The following PCSK6 variants were observed in gnomAD, a reference collection of about 807,000 sequenced individuals.
The protein encoded by PCSK6 is proprotein convertase subtilisin/kexin type 6, also known as paired basic amino acid cleaving enzyme 4.
In PCSK6, 85 loss-of-function variants were observed where a neutral mutation model predicts 123.3. The ratio of observed to expected loss-of-function variants is 0.69; its 90% CI spans 0.58 to 0.83. The LOEUF is 0.83. Among genes scored for constraint, PCSK6 ranks in the 40% least tolerant of loss-of-function variants. PCSK6 has a pLI of 0.00. For missense variants in PCSK6, 1,191 were observed against 1,282.3 expected (o/e 0.93, Z 1.09); for synonymous variants, 508 against 516.0 (o/e 0.98, Z 0.21).
chr15:101,349,371 T>C lies in PCSK6; in HGVS notation c.1858+16825A>G, dbSNP rs530753686. Among the ~76,000 whole-genome samples, 361 of 152,338 alleles carry C rather than the reference T, an allele frequency of 2.4e-3. 3 individuals are homozygous for C. The highest frequency in any genetic ancestry group is 8.3e-3 in the African/African-American group (346 of 41,570). ...GTTCAAAAGTCAGAAGAGTTTTCCCTTAGGGCCAGCCAACCCAATAGCAGC... is the reference window on the plus strand; with the variant it reads ...GTTCAAAAGTCAGAAGAGTTTTCCCCTAGGGCCAGCCAACCCAATAGCAGC... On this transcript the variant is annotated intron_variant, in intron 13 of 21. Coordinates refer to ENST00000611716, the MANE Select transcript of PCSK6 (RefSeq NM_002570.5).
intron 1 of PCSK6, among the ~76,000 whole-genome samples, chr15:101,460,802 T>TA (rs2057324182): frequency 6.6e-6 from 1 of 152,162 alleles, no homozygotes; most frequent in Non-Finnish European, 1.5e-5. Context: ...TAACTCATGG[T>TA]AAAAGAAAAC....
chr15:101,489,504 G>C lies in PCSK6; in HGVS notation c.167C>G (p.Ala56Gly). 1 of 1,050,842 alleles carries C rather than the reference G, an allele frequency of 9.5e-7. No homozygotes were observed. Among genetic ancestry groups the C allele is most frequent in the Non-Finnish European group, 1.1e-6 (1 of 874,208 alleles). 65.1% of individuals were successfully genotyped at this position (1,050,842 alleles called of 1,614,324 possible). A position where few individuals can be genotyped will look rare whatever the true frequency, so the allele number is the denominator to read the frequency against. ...GGGCGCGGAGCAGGCGGCAGGCAGC[G>C]CCAGCAGCAGCAGCCAGCGCCAGGG... ...PRPWRWLLLLALPAACSAPPP... is the reference protein window; with the variant it reads ...PRPWRWLLLLGLPAACSAPPP... Residue 56 changes from alanine (A) to glycine (G), a missense_variant, in exon 1 of 22, where the codon GCG (alanine) becomes GGG (glycine). Ala to Gly is a moderately conservative substitution (Grantham distance 60, BLOSUM62 0). Around this residue, in one of 3 missense-constraint regions of PCSK6, gnomAD observed 204 missense variants for 166.4 expected, o/e 1.23. Coordinates refer to ENST00000611716, the MANE Select transcript of PCSK6 (RefSeq NM_002570.5).
At chr15:101,382,059 TGA>T (rs2041923189) in intron 11 of PCSK6, 31 bp downstream of exon 11, 1 of 1,481,642 alleles carries the variant, frequency 6.7e-7, no homozygotes, top group Non-Finnish European at 9.3e-7. Flanking sequence ...CCCACGTGCC[TGA>T]GAAGTCACCG....
intron 4 of PCSK6, among the ~76,000 whole-genome samples, chr15:101,430,992 T>G (rs943147275): frequency 2.6e-5 from 4 of 152,240 alleles, no homozygotes; most frequent in Admixed American, 2.6e-4. Context: ...GCCCGTGTTT[T>G]CACACTGTCA....
chr15:101,383,740 C>T lies in PCSK6; in HGVS notation c.1414+582G>A, dbSNP rs936569465. 3.9e-5 allele frequency among the ~76,000 whole-genome samples: 6 copies of T among 152,110 alleles called. No individual in the cohort carries two copies. The East Asian group carries it at 1.2e-3, about 29-fold the overall frequency. On this transcript the variant is annotated intron_variant, in intron 10 of 21. Coordinates refer to ENST00000611716, the MANE Select transcript of PCSK6 (RefSeq NM_002570.5). ...ACTCAGGGCTAAGGATGCAAGCTGCCCTCAGGTGGCACACAAACAACATTT... is the reference window on the plus strand; with the variant it reads ...ACTCAGGGCTAAGGATGCAAGCTGCTCTCAGGTGGCACACAAACAACATTT...
intron 1 of PCSK6, 33 bp from the exon 2 acceptor site, chr15:101,443,693 A>G (rs1322562332): frequency 6.6e-7 from 1 of 1,504,678 alleles, no homozygotes; most frequent in South Asian, 1.1e-5. Context: ...CCATCAATTA[A>G]TAGTCTCACG....
intron 6 of PCSK6, among the ~76,000 whole-genome samples, chr15:101,421,260 A>G (rs547318246): frequency 6.6e-6 from 1 of 152,286 alleles, no homozygotes; most frequent in African/African-American, 2.4e-5. Context: ...CTTAAGATAT[A>G]ATTTGGACAG....
chr15:101,328,087 C>G (rs1029124823), intron 15 of PCSK6, among the ~76,000 whole-genome samples: 1 of 152,248 alleles, frequency 6.6e-6, no homozygotes, highest in Non-Finnish European at 1.5e-5. Flanking sequence ...ATCCTCATTT[C>G]TCGCACCATT....
At chr15:101,477,585 T>G (rs2141253507) in intron 1 of PCSK6, among the ~76,000 whole-genome samples, 1 of 152,324 alleles carries the variant, frequency 6.6e-6, no homozygotes, top group South Asian at 2.1e-4. Context: ...GTGGTGGGAC[T>G]ATGGGTGATT....
At position 101,326,600 on chromosome 15, in the gene PCSK6, G is replaced by A. The variant is rs1394884402; in HGVS notation, c.2078-121C>T. 8 of 934,968 alleles carry A rather than the reference G, an allele frequency of 8.6e-6. No homozygotes were observed. The East Asian group carries it at 1.1e-4, about 12-fold the overall frequency. The allele number at this position is 934,968 out of a possible 1,614,324, so 57.9% of individuals were successfully genotyped here. A position where few individuals can be genotyped will look rare whatever the true frequency, so the allele number is the denominator to read the frequency against. ...GGGTTGGGAGACGCTCCCAGGCCCC[G>A]CTGGGGCTGGACGGCCAGACGACAA... On this transcript the variant is annotated intron_variant, in intron 15 of 21. Coordinates refer to ENST00000611716, the MANE Select transcript of PCSK6 (RefSeq NM_002570.5).
intron 1 of PCSK6, among the ~76,000 whole-genome samples, chr15:101,484,307 G>T (rs2057966085): frequency 6.6e-6 from 1 of 152,124 alleles, no homozygotes; most frequent in African/African-American, 2.4e-5. Flanking sequence ...GATCCTTACA[G>T]CCCACACTTT....
At chr15:101,477,875 T>C (rs1021977242) in intron 1 of PCSK6, among the ~76,000 whole-genome samples, 7 of 152,246 alleles carry the variant, frequency 4.6e-5, no homozygotes, top group African/African-American at 1.7e-4. Flanking sequence ...TCTTAGACTC[T>C]ACATCAAGAA....
intron 11 of PCSK6, among the ~76,000 whole-genome samples, chr15:101,373,178 GGTGTGATCCTCCGCCAGCCCC>G (rs1345911442): frequency 5.9e-5 from 9 of 152,114 alleles, no homozygotes; most frequent in Admixed American, 5.9e-4. Context: ...GGCTGGGTTG[GGTGTGATCCTCCGCCAGCCCC>G]GCTGCTGCTG....
chr15:101,422,082 T>A (rs924786092), intron 6 of PCSK6, among the ~76,000 whole-genome samples: 3 of 152,256 alleles, frequency 2.0e-5, no homozygotes. Context: ...CAAGTTGACA[T>A]GACTTTTCCT....
intron 13 of PCSK6, among the ~76,000 whole-genome samples, chr15:101,334,918 A>T (rs11855415): frequency 0.8 from 121,008 of 152,016 alleles, 48,369 homozygotes; most frequent in African/African-American, 0.85. Context: ...AGACTTCATT[A>T]TTATTACACT....
chr15:101,435,021 C>T (rs947594639), intron 2 of PCSK6, among the ~76,000 whole-genome samples: 48 of 152,290 alleles, frequency 3.2e-4, no homozygotes, highest in African/African-American at 1.0e-3. Flanking sequence ...GTGTGTCTGG[C>T]GCTAGGTTCT....
intron 20 of PCSK6, among the ~76,000 whole-genome samples, chr15:101,312,601 T>C (rs1596167539): frequency 1.3e-5 from 2 of 152,138 alleles, no homozygotes; most frequent in Non-Finnish European, 2.9e-5. Flanking sequence ...GAGGCTGAGG[T>C]GGGTGGATCA....
In PCSK6 at chr15:101,307,307, C is replaced by G. The variant is rs943252093; in HGVS notation, c.2718G>C (p.Leu906Phe). ...KVCRRCDENC[L>F]SCAGSSRNCS... ...AGTTCCTGCTGGAGCCTGCACAGCT[C>G]AAGCAGTTCTCGTCACACCTGTGGG... Residue 906 changes from leucine to phenylalanine, a missense_variant, in exon 21 of 22, where the codon TTG becomes TTC. By Grantham distance (22) the Leu-to-Phe change is conservative. This residue lies in a region of PCSK6 where 630 missense variants were observed against 631.4 expected (regional missense o/e 1.00). Transcript: ENST00000611716. The G allele has an allele frequency of 1.2e-6, 2 of 1,613,386 alleles. No homozygotes were observed. Among genetic ancestry groups the G allele is most frequent in the Middle Eastern group, 1.7e-4 (1 of 6,058 alleles).
chr15:101,473,302 G>A (rs1280597486), intron 1 of PCSK6, among the ~76,000 whole-genome samples: 1 of 152,148 alleles, frequency 6.6e-6, no homozygotes. Flanking sequence ...GAGTACAGTG[G>A]CATGATCATA....
Sources: gnomAD v4.1 joint callset for allele counts (sites outside exome capture counted in the v4.1 genomes callset) on GRCh38, gnomAD v4.1.1 for gene constraint, gnomAD v4.1.1 regional missense constraint, MANE v1.5 for transcripts, NCBI Gene and HGNC (gene_info 2026-07-23, HGNC 2026-07-21) for gene names.